The following SEC16A variants were observed in gnomAD, a reference collection of about 807,000 sequenced individuals.
The protein encoded by SEC16A is SEC16 homolog A, endoplasmic reticulum export factor.
Under a neutral mutation model 221.9 loss-of-function variants are expected in SEC16A, and 110 were observed. The ratio of observed to expected loss-of-function variants is 0.50; its 90% confidence interval spans 0.42 to 0.58. SEC16A has a LOEUF of 0.58. SEC16A is among the 20% of genes least tolerant of loss of function. The pLI is 0.00. For synonymous variants in SEC16A, 1,393 were observed against 1,257.7 expected (o/e 1.11, Z -2.28); for missense variants, 3,165 against 3,097.8 (o/e 1.02, Z -0.52).
chr9:136,475,371 C>T lies in SEC16A; in HGVS notation c.2245G>A (p.Val749Met), dbSNP rs1355797721. ...LLAPAAPALY[V>M]CAKPQPPVVQ... Reference sequence around the variant, plus strand: ...ACAGGTGGCTGAGGTTTTGCACACACATAAAGCGCCGGGGCTGCAGGGGCC... The same window carrying T: ...ACAGGTGGCTGAGGTTTTGCACACATATAAAGCGCCGGGGCTGCAGGGGCC... Residue 749 changes from valine to methionine, a missense_variant, in exon 3 of 32, where the codon GTG (valine) becomes ATG (methionine). Physicochemically the swap from Val to Met is conservative, Grantham distance 21. Coordinates refer to ENST00000684901, the MANE Select transcript of SEC16A (RefSeq NM_014866.2). The surrounding 1 kb of genome is among the most constrained non-coding windows in gnomAD (Gnocchi z 5.0). 1.2e-6 allele frequency: 2 copies of T among 1,609,456 alleles called. No individual in the cohort carries two copies. The highest frequency in any genetic ancestry group is 1.3e-5 in the African/African-American group (1 of 74,876).
At chr9:136,481,126 A>ATTT (rs1842274791) in intron 1 of SEC16A, among the ~76,000 whole-genome samples, 1 of 103,800 alleles carries the variant, frequency 9.6e-6, no homozygotes, top group African/African-American at 3.6e-5. Flanking sequence ...AGGGAATTTT[A>ATTT]TTCTTTTTTT....
At chr9:136,483,395 C>T, upstream of SEC16A, 1 of 702,594 alleles carries the variant, frequency 1.4e-6, no homozygotes, top group Non-Finnish European at 1.7e-6. Context: ...TAGCCCCGCC[C>T]GTCGTCCGTC....
chr9:136,456,269 A>G (rs1838653936), intron 18 of SEC16A, 103 bp from the exon 19 acceptor site: 3 of 796,176 alleles, frequency 3.8e-6, no homozygotes, highest in East Asian at 2.5e-5. Context: ...CACTGGCAAT[A>G]AAGTTTAATT....
Position 136,483,012 on chromosome 9 carries a change from T to C in SEC16A, c.-266A>G, listed in dbSNP as rs1207708841. The C allele has an allele frequency of 3.0e-6, 3 of 984,642 alleles. No homozygotes were observed. The highest frequency in any genetic ancestry group is 1.8e-5 in the African/African-American group (1 of 56,920). 61.0% of individuals were successfully genotyped at this position (984,642 alleles called of 1,614,324 possible). On this transcript the variant is annotated 5_prime_UTR_variant, in exon 1 of 32. It removes the in-frame stop codon of an upstream open reading frame in the 5' UTR. Coordinates refer to ENST00000684901, the MANE Select transcript of SEC16A (RefSeq NM_014866.2). ...GACGCTGGCGACGAGCACAGACACC[T>C]CAGCCGCCGCAGCCATCTTGGCACA...
chr9:136,453,117 A>G (rs1258542576), intron 22 of SEC16A, among the ~76,000 whole-genome samples: 1 of 151,886 alleles, frequency 6.6e-6, no homozygotes, highest in Non-Finnish European at 1.5e-5. Context: ...TAGAAATCAG[A>G]GAAGGTACCC....
In SEC16A at chr9:136,475,001, C is replaced by G. The variant is rs1264301687; in HGVS notation, c.2615G>C (p.Ser872Thr). The G allele has an allele frequency of 1.2e-6, 2 of 1,613,810 alleles. No homozygotes were observed. The highest frequency in any genetic ancestry group is 3.3e-5 in the Admixed American group (2 of 60,006). ...CCCAGAATCACCACCGAGAGCCCAA[C>G]TGCTGACTGCAGGTCTATCCCCCAC... ...ALVGDRPAVS[S>T]WALGGDSGEN... Residue 872 changes from serine to threonine, a missense_variant, in exon 3 of 32, where the codon AGT becomes ACT. Physicochemically the swap from Ser to Thr is moderately conservative, Grantham distance 58. Transcript: ENST00000684901. This position sits in a 1 kb window ranked among gnomAD's most constrained non-coding sequence, Gnocchi z 5.0.
chr9:136,479,164 A>T (rs913187109), intron 1 of SEC16A, among the ~76,000 whole-genome samples: 3 of 152,242 alleles, frequency 2.0e-5, no homozygotes, highest in African/African-American at 7.2e-5. Flanking sequence ...TTTAAATAAA[A>T]CATAGTAGAT....
At chr9:136,444,911 T>C (rs1564451123) in intron 30 of SEC16A, 141 bp downstream of exon 30, 1 of 593,348 alleles carries the variant, frequency 1.7e-6, no homozygotes, top group Non-Finnish European at 3.0e-6. Context: ...AGGAACCCTG[T>C]ACCCTTGGTC....
chr9:136,449,460 C>T (rs374869245), intron 23 of SEC16A, among the ~76,000 whole-genome samples: 3 of 152,190 alleles, frequency 2.0e-5, no homozygotes, highest in East Asian at 3.9e-4. Flanking sequence ...ATCTTGGCCA[C>T]GCTGATCGTG....
chr9:136,471,079 G>A (rs1302321441), intron 4 of SEC16A, among the ~76,000 whole-genome samples: 6 of 151,956 alleles, frequency 3.9e-5, no homozygotes, highest in South Asian at 4.2e-4. Context: ...CTACTCAGCT[G>A]AAGCCACAGT....
intron 24 of SEC16A, 70 bp downstream of exon 24, chr9:136,448,014 T>C: frequency 6.5e-7 from 1 of 1,534,578 alleles, no homozygotes; most frequent in Non-Finnish European, 8.9e-7. Flanking sequence ...CCTACTCAGG[T>C]CTGCTCTGAA....
At position 136,472,074 on chromosome 9, in the gene SEC16A, T is replaced by C. The variant is rs374240602; in HGVS notation, c.3605A>G (p.Tyr1202Cys). Residue 1202 changes from tyrosine (Y) to cysteine (C), a missense_variant, in exon 4 of 32, where the codon TAT becomes TGT. Transcript: ENST00000684901. ...GGCGTAAGCAGACGCAGCACCATCA[T>C]AGGGCCTGTATCGAGGCTCATAGAG... Reference protein sequence around the residue: ...YSLYEPRYRPYDGAASAYAQN... With the variant: ...YSLYEPRYRPCDGAASAYAQN... 1.1e-3 allele frequency: 1,789 copies of C among 1,613,644 alleles called. 35 individuals are homozygous for C. In the South Asian group the frequency reaches 0.019, roughly 17 times the overall value.
At position 136,466,144 on chromosome 9, in the gene SEC16A, A is replaced by G; in HGVS notation, c.4129-8T>C. The G allele has an allele frequency of 6.3e-7, 1 of 1,581,768 alleles. No homozygotes were observed. The highest frequency in any genetic ancestry group is 8.6e-7 in the Non-Finnish European group (1 of 1,161,842). On this transcript the variant is annotated splice_region_variant and splice_polypyrimidine_tract_variant and intron_variant, in intron 7 of 31. Transcript: ENST00000684901. The surrounding 1 kb of genome is among the most constrained non-coding windows in gnomAD (Gnocchi z 5.5). Reference sequence around the variant, plus strand: ...GCTTCTGTAAATCTGACTCTTAGAAAACAAAGCAAACGGGCAAAATCAATT... The same window carrying G: ...GCTTCTGTAAATCTGACTCTTAGAAGACAAAGCAAACGGGCAAAATCAATT...
chr9:136,476,654 G>A lies in SEC16A; in HGVS notation c.962C>T (p.Pro321Leu), dbSNP rs41306736. The change falls in exon 3 of 32, where the codon CCA (proline) becomes CTA (leucine). Residue 321 changes from proline (P) to leucine (L), a missense_variant. Transcript: ENST00000684901. ...GGGCCGGTGCTCATTCTTCACTCCT[G>A]GATTCTGCCTGAGCTCTGGGCTTGC... is the stretch of plus-strand genomic sequence containing the variant. The part of the protein sequence containing the change: ...HWASPELRQN[P>L]GVKNEHRPAS... The A allele has an allele frequency of 4.6e-3, 7,224 of 1,572,660 alleles. 308 individuals carry two copies. In the African/African-American group the frequency reaches 0.082, roughly 18 times the overall value.
At chr9:136,484,395 C>T (rs1284305086), upstream of SEC16A, 4 of 1,193,594 alleles carry the variant, frequency 3.4e-6, no homozygotes, top group Non-Finnish European at 4.3e-6. Context: ...TCCTCTGTGC[C>T]CTCATTTTTC....
chr9:136,467,933 C>T (rs905556820), intron 5 of SEC16A, among the ~76,000 whole-genome samples: 6 of 152,222 alleles, frequency 3.9e-5, no homozygotes, highest in South Asian at 4.1e-4. Flanking sequence ...AGCTGGACGT[C>T]GCCAGGGAGC....
At position 136,474,896 on chromosome 9, in the gene SEC16A, A is replaced by G; in HGVS notation, c.2720T>C (p.Phe907Ser). Reference protein sequence around the residue: ...SLPSSVAQSNFPQGSGASEMV... With the variant: ...SLPSSVAQSNSPQGSGASEMV... ...TTCGGAAGCACCAGAACCTTGTGGAAAATTACTTTGGGCAACACTGCTAGG... is the reference window on the plus strand; with the variant it reads ...TTCGGAAGCACCAGAACCTTGTGGAGAATTACTTTGGGCAACACTGCTAGG... The change falls in exon 3 of 32, where the codon TTT becomes TCT. Residue 907 changes from phenylalanine to serine, a missense_variant. Around this residue, in one of 3 missense-constraint regions of SEC16A, gnomAD observed 2,030 missense variants for 1,923.1 expected, o/e 1.06. Coordinates refer to ENST00000684901, the MANE Select transcript of SEC16A (RefSeq NM_014866.2). 1 of 1,613,844 alleles carries G rather than the reference A, an allele frequency of 6.2e-7. No individual in the cohort carries two copies. Among genetic ancestry groups the G allele is most frequent in the Non-Finnish European group, 8.5e-7 (1 of 1,179,870 alleles).
chr9:136,484,531 C>A, upstream of SEC16A: 1 of 1,286,536 alleles, frequency 7.8e-7, no homozygotes, highest in Non-Finnish European at 1.0e-6. Context: ...TTCCAGAGGG[C>A]AGGCGCCGTG....
intron 22 of SEC16A, 51 bp from the exon 23 acceptor site, chr9:136,451,459 CGAAA>C (rs1837800097): frequency 1.0e-5 from 16 of 1,528,668 alleles, no homozygotes; most frequent in South Asian, 7.8e-5. Flanking sequence ...TCACAGGAAC[CGAAA>C]GAGAGAGGGG....
Sources: allele counts gnomAD v4.1 joint callset (sites outside exome capture counted in the v4.1 genomes callset), GRCh38; gene constraint gnomAD v4.1.1; regional missense constraint gnomAD v4.1.1; non-coding constraint Gnocchi (gnomAD v3.1); transcripts MANE v1.5; gene names NCBI Gene and HGNC (gene_info 2026-07-23, HGNC 2026-07-21).